The following CSMD3 variants were observed in gnomAD, a reference collection of about 807,000 sequenced individuals.
The protein encoded by CSMD3 is CUB and Sushi multiple domains 3.
CSMD3 carries 177 observed loss-of-function variants against 435.2 expected under a neutral mutation model. That is an observed-to-expected ratio of 0.41 (90% CI 0.36 to 0.46). The LOEUF is 0.46. Among genes scored for constraint, CSMD3 ranks in the 20% least tolerant of loss-of-function variants. The pLI is 0.34. For synonymous variants in CSMD3, 1,656 were observed against 1,520.5 expected (o/e 1.09, Z -2.07); for missense variants, 4,265 against 4,504.6 (o/e 0.95, Z 1.52).
intron 6 of CSMD3, among the ~76,000 whole-genome samples, chr8:112,997,812 C>T (rs1419262596): frequency 6.7e-6 from 1 of 149,360 alleles, no homozygotes; most frequent in Non-Finnish European, 1.5e-5. Context: ...TGTAATAGTC[C>T]CCCCAAAATT....
intron 3 of CSMD3, among the ~76,000 whole-genome samples, chr8:113,243,588 TG>T (rs1346545400): frequency 1.3e-5 from 2 of 152,104 alleles, no homozygotes; most frequent in Non-Finnish European, 2.9e-5. Flanking sequence ...TACAAGTTTT[TG>T]TTTGTATCCC....
intron 27 of CSMD3, among the ~76,000 whole-genome samples, chr8:112,531,179 C>T (rs1399589387): frequency 6.6e-6 from 1 of 152,084 alleles, no homozygotes; most frequent in Non-Finnish European, 1.5e-5. Flanking sequence ...AGTGCCACCA[C>T]AGCACAACAC....
At chr8:112,851,979 AT>A (rs2080503017) in intron 11 of CSMD3, among the ~76,000 whole-genome samples, 2 of 152,156 alleles carry the variant, frequency 1.3e-5, no homozygotes, top group African/African-American at 4.8e-5. Flanking sequence ...TTTTGGGAAG[AT>A]TGGTTCAGGG....
chr8:113,101,557 T>G (rs1211406755), intron 4 of CSMD3, among the ~76,000 whole-genome samples: 2 of 152,030 alleles, frequency 1.3e-5, no homozygotes, highest in Non-Finnish European at 1.5e-5. Flanking sequence ...AGACTCACAA[T>G]GCTGATAAAT....
chr8:113,243,073 T>C (rs369057053), intron 3 of CSMD3, among the ~76,000 whole-genome samples: 2 of 151,984 alleles, frequency 1.3e-5, no homozygotes, highest in South Asian at 4.1e-4. Context: ...CTTGTATCTT[T>C]TGATTTTCTT....
At chr8:112,803,931 C>T (rs976763803) in intron 12 of CSMD3, among the ~76,000 whole-genome samples, 1 of 152,194 alleles carries the variant, frequency 6.6e-6, no homozygotes, top group Non-Finnish European at 1.5e-5. Flanking sequence ...AACAAGCACA[C>T]TGGGGACCAG....
chr8:113,377,533 G>A (rs1254456469), intron 1 of CSMD3, among the ~76,000 whole-genome samples: 1 of 152,132 alleles, frequency 6.6e-6, no homozygotes, highest in Non-Finnish European at 1.5e-5. Context: ...TGAAAGCTGA[G>A]TTTTAGTTCA....
At chr8:112,809,060 GCGTGATATTT>G (rs1171865423) in intron 12 of CSMD3, among the ~76,000 whole-genome samples, 2 of 152,162 alleles carry the variant, frequency 1.3e-5, no homozygotes, top group East Asian at 3.9e-4. Flanking sequence ...CTGCAAACAA[GCGTGATATTT>G]TTCCCCTTTG....
intron 24 of CSMD3, among the ~76,000 whole-genome samples, chr8:112,571,329 G>T (rs1435406573): frequency 6.6e-6 from 1 of 151,966 alleles, no homozygotes; most frequent in Non-Finnish European, 1.5e-5. Flanking sequence ...ATTAAGAAAA[G>T]AAATGTGACT....
At chr8:112,760,893 T>C (rs1341650280) in intron 13 of CSMD3, among the ~76,000 whole-genome samples, 2 of 152,142 alleles carry the variant, frequency 1.3e-5, no homozygotes, top group African/African-American at 4.8e-5. Flanking sequence ...TGTTTCTGGA[T>C]GAAACTCTTC....
intron 27 of CSMD3, among the ~76,000 whole-genome samples, chr8:112,540,593 C>T (rs189777338): frequency 5.4e-4 from 82 of 151,932 alleles, no homozygotes; most frequent in Admixed American, 9.8e-4. Flanking sequence ...TATTCAGCCA[C>T]GGGGAGGAAA....
intron 11 of CSMD3, among the ~76,000 whole-genome samples, chr8:112,851,566 C>T (rs1463382132): frequency 6.6e-6 from 1 of 152,088 alleles, no homozygotes; most frequent in East Asian, 1.9e-4. Context: ...GACTTCGAGA[C>T]CAGCCTGGCC....
chr8:113,077,400 C>A (rs1360177315), intron 5 of CSMD3, among the ~76,000 whole-genome samples: 1 of 151,758 alleles, frequency 6.6e-6, no homozygotes, highest in Non-Finnish European at 1.5e-5. Flanking sequence ...ATTATGCTAG[C>A]AAATTTATAT....
chr8:113,277,046 A>G (rs1195648437), intron 3 of CSMD3, among the ~76,000 whole-genome samples: 1 of 152,010 alleles, frequency 6.6e-6, no homozygotes, highest in Non-Finnish European at 1.5e-5. Flanking sequence ...CATTTTCAAT[A>G]TATTTAGTAC....
At chr8:113,420,664 T>C (rs115083866) in intron 1 of CSMD3, among the ~76,000 whole-genome samples, 2,756 of 152,186 alleles carry the variant, frequency 0.018, 96 homozygotes, top group African/African-American at 0.061. Context: ...AAATATTAAT[T>C]AGGCCAGGCG....
At chr8:112,396,021 G>A (rs1270952802) in intron 35 of CSMD3, among the ~76,000 whole-genome samples, 1 of 152,080 alleles carries the variant, frequency 6.6e-6, no homozygotes, top group Non-Finnish European at 1.5e-5. Context: ...TTTAGTATTT[G>A]ACCATTTTAA....
chr8:112,486,770 C>CT (rs1168316014), intron 31 of CSMD3, among the ~76,000 whole-genome samples: 1 of 152,132 alleles, frequency 6.6e-6, no homozygotes, highest in Non-Finnish European at 1.5e-5. Context: ...TATATCCATG[C>CT]TGTGCTCACA....
rs539720214 is a variant in CSMD3, at chr8:112,365,317, A to G, written c.6137-12783T>C. Among the ~76,000 whole-genome samples the G allele has an allele frequency of 2.6e-5, 4 of 152,200 alleles. No individual in the cohort carries two copies. In the East Asian group the frequency reaches 5.8e-4, roughly 22 times the overall value. The stretch of plus-strand genomic sequence containing the variant: ...AATATTTGAAACTTATTTATATGTT[A>G]GGTAATTTTTGTTAGCACAAAATCA... On this transcript the variant is annotated intron_variant, in intron 38 of 70. Transcript: ENST00000297405.
In CSMD3 at chr8:112,412,210, G is replaced by C. The variant is rs144049062; in HGVS notation, c.5396-3178C>G. Among the ~76,000 whole-genome samples, 934 of 152,078 alleles carry C rather than the reference G, an allele frequency of 6.1e-3. 4 individuals are homozygous for C. Among genetic ancestry groups the C allele is most frequent in the Non-Finnish European group, 0.011 (742 of 67,932 alleles). On this transcript the variant is annotated intron_variant, in intron 32 of 70. Transcript: ENST00000297405. ...TTAAATATCCTTTATATTTATATGA[G>C]AGTCATAATTATGCTCTTTTTAAAA...
Sources: gnomAD v4.1 joint callset for allele counts (sites outside exome capture counted in the v4.1 genomes callset) on GRCh38, gnomAD v4.1.1 for gene constraint, MANE v1.5 for transcripts, NCBI Gene and HGNC (gene_info 2026-07-23, HGNC 2026-07-21) for gene names.